The following ASH1L variants were observed in gnomAD, a reference collection of about 807,000 sequenced individuals.
ASH1L encodes the protein ASH1 like histone lysine methyltransferase.
A neutral mutation model predicts 269.0 loss-of-function variants in ASH1L; 23 were observed. That is an observed-to-expected ratio of 0.09 (90% confidence interval 0.06 to 0.12). The LOEUF (loss-of-function observed/expected upper bound fraction) is 0.12, where lower values mean the gene tolerates loss of function less well. ASH1L is among the 10% of genes least tolerant of loss of function. The probability of loss-of-function intolerance (pLI) is 1.00; values close to 1 mark genes in which losing one functional copy is unlikely to be tolerated. For missense variants in ASH1L, 2,912 were observed against 3,567.8 expected, an observed-to-expected ratio of 0.82 and a Z score of 4.68; for synonymous variants, 1,187 against 1,253.5, an observed-to-expected ratio of 0.95 and a Z score of 1.12.
chr1:155,426,268 C>G (rs1661146600), intron 5 of ASH1L, among the ~76,000 whole-genome samples: 1 of 151,894 alleles, frequency 6.6e-6, no homozygotes, highest in Non-Finnish European at 1.5e-5. Flanking sequence ...TGGGGTTTCA[C>G]CATGTTGCCC....
chr1:155,509,980 G>A (rs1014721443), intron 2 of ASH1L, among the ~76,000 whole-genome samples: 3 of 152,054 alleles, frequency 2.0e-5, no homozygotes, highest in East Asian at 1.9e-4. Context: ...TATAAACTTC[G>A]AAGGAAGAAG....
At chr1:155,389,677 G>A (rs1387439575) in intron 7 of ASH1L, among the ~76,000 whole-genome samples, 2 of 151,858 alleles carry the variant, frequency 1.3e-5, no homozygotes, top group African/African-American at 4.8e-5. Context: ...CATCTCAAAA[G>A]AAAACAAAAA....
At chr1:155,415,638 T>C in intron 6 of ASH1L, 106 bp downstream of exon 6, 1 of 1,331,412 alleles carries the variant, frequency 7.5e-7, no homozygotes, top group Non-Finnish European at 1.0e-6. Flanking sequence ...AACACAATCA[T>C]CACGCTTATG....
chr1:155,367,371 T>C (rs1330946202), intron 12 of ASH1L, among the ~76,000 whole-genome samples: 2 of 152,246 alleles, frequency 1.3e-5, no homozygotes, highest in South Asian at 2.1e-4. Flanking sequence ...AATTTTTATA[T>C]ACTGACCATC....
chr1:155,557,698 C>T (rs1362524865), intron 1 of ASH1L, among the ~76,000 whole-genome samples: 1 of 152,018 alleles, frequency 6.6e-6, no homozygotes, highest in East Asian at 1.9e-4. Flanking sequence ...CTATTATTAA[C>T]TATGATGACA....
intron 1 of ASH1L, among the ~76,000 whole-genome samples, chr1:155,534,918 G>A (rs1255149690): frequency 2.0e-5 from 3 of 152,146 alleles, no homozygotes; most frequent in Admixed American, 6.6e-5. Context: ...GGCCAGGTGC[G>A]GTGGCTCATG....
intron 2 of ASH1L, among the ~76,000 whole-genome samples, chr1:155,512,095 A>G (rs1470734554): frequency 1.3e-5 from 2 of 152,088 alleles, no homozygotes; most frequent in African/African-American, 4.8e-5. Context: ...TACAGGTGTG[A>G]GCCACTGTGC....
intron 5 of ASH1L, among the ~76,000 whole-genome samples, chr1:155,423,753 C>CG (rs1405069803): frequency 1.3e-5 from 2 of 152,102 alleles, no homozygotes; most frequent in Non-Finnish European, 2.9e-5. Context: ...TCTTTTGAGA[C>CG]GGAGTCTCAG....
intron 1 of ASH1L, among the ~76,000 whole-genome samples, chr1:155,543,509 CAAAAA>C (rs34813767): frequency 1.7e-5 from 1 of 57,454 alleles, no homozygotes; most frequent in Non-Finnish European, 3.3e-5. Flanking sequence ...GACTCTGTCT[CAAAAA>C]AAAAAAAAAA....
intron 3 of ASH1L, among the ~76,000 whole-genome samples, chr1:155,471,809 A>T (rs1343891879): frequency 6.6e-6 from 1 of 152,238 alleles, no homozygotes; most frequent in Non-Finnish European, 1.5e-5. Flanking sequence ...TCTCAGGAAC[A>T]CCAAAATTTG....
At chr1:155,423,084 G>T (rs1021679617) in intron 5 of ASH1L, among the ~76,000 whole-genome samples, 2 of 151,616 alleles carry the variant, frequency 1.3e-5, no homozygotes, top group South Asian at 4.2e-4. Context: ...GAGTAGCTGG[G>T]ATTACAGGTA....
At chr1:155,434,845 C>T (rs190600637) in intron 5 of ASH1L, among the ~76,000 whole-genome samples, 2 of 148,754 alleles carry the variant, frequency 1.3e-5, no homozygotes, top group South Asian at 2.1e-4. Flanking sequence ...AGCGAGACTC[C>T]GTCTCAAAAA....
At position 155,349,459 on chromosome 1, in the gene ASH1L, C is replaced by T. The variant is rs1411233931; in HGVS notation, c.7422G>A (p.Lys2474=). Residue 2474 remains lysine (K), a splice_region_variant and synonymous_variant, in exon 19 of 28, where the codon AAG becomes AAA. Coordinates refer to ENST00000392403, the MANE Select transcript of ASH1L (RefSeq NM_018489.3). ...AGATCTTCTCATAATAATCAGCATT[C>T]CTGGAACACAAAGCCAGGGTGTCAA... ...APLLNLPPKK[K]NADYYEKISD... The T allele has an allele frequency of 6.2e-7, 1 of 1,614,096 alleles. No homozygotes were observed. Among genetic ancestry groups the T allele is most frequent in the Non-Finnish European group, 8.5e-7 (1 of 1,180,018 alleles).
At chr1:155,525,202 A>G (rs955402753) in intron 1 of ASH1L, among the ~76,000 whole-genome samples, 2 of 152,062 alleles carry the variant, frequency 1.3e-5, no homozygotes, top group African/African-American at 4.8e-5. Context: ...AGCCATGTTC[A>G]TGCCACTGGA....
intron 1 of ASH1L, among the ~76,000 whole-genome samples, chr1:155,549,336 G>A (rs1034040390): frequency 4.6e-5 from 7 of 151,880 alleles, no homozygotes; most frequent in African/African-American, 1.7e-4. Context: ...GAGAGACCCT[G>A]TCTCAAAAAA....
chr1:155,496,789 C>T (rs962584105), intron 2 of ASH1L, among the ~76,000 whole-genome samples: 3 of 151,968 alleles, frequency 2.0e-5, no homozygotes, highest in African/African-American at 7.3e-5. Flanking sequence ...CAAGCATGTG[C>T]AATCACGCTT....
chr1:155,459,927 T>G, intron 3 of ASH1L, 29 bp from the exon 4 acceptor site: 1 of 1,522,096 alleles, frequency 6.6e-7, no homozygotes, highest in Admixed American at 2.2e-5. Flanking sequence ...ATAGAAATCA[T>G]AGGAAAATTC....
rs184917897 is a variant in ASH1L at position 155,369,414 on chromosome 1, T to G, written c.6686+1090A>C. The stretch of plus-strand genomic sequence containing the variant: ...GTGAGCTGAGATCGCGCCACTGCAC[T>G]CCAGCCTGGGCAACAGAGCGAGACT... On this transcript the variant is annotated intron_variant, in intron 12 of 27. Transcript: ENST00000392403. Among the ~76,000 whole-genome samples the G allele has an allele frequency of 6.1e-3, 929 of 151,162 alleles. 12 individuals carry two copies. The highest frequency in any genetic ancestry group is 0.022 in the African/African-American group (901 of 41,136).
intron 1 of ASH1L, among the ~76,000 whole-genome samples, chr1:155,557,216 T>C (rs1671653032): frequency 6.6e-6 from 1 of 151,994 alleles, no homozygotes; most frequent in African/African-American, 2.4e-5. Context: ...GAAATAGCAG[T>C]AAGATTATTG....
Sources: gnomAD v4.1 joint callset for allele counts (sites outside exome capture counted in the v4.1 genomes callset) on GRCh38, gnomAD v4.1.1 for gene constraint, MANE v1.5 for transcripts, NCBI Gene and HGNC (gene_info 2026-07-23, HGNC 2026-07-21) for gene names.